DCC: variants seen among roughly 807,000 people sequenced by gnomAD.
DCC encodes netrin receptor DCC.
A neutral mutation model predicts 172.5 loss-of-function variants in DCC; 58 were observed. The observed-to-expected ratio is 0.34, with a 90% CI of 0.27 to 0.42. The LOEUF (loss-of-function observed/expected upper bound fraction) is 0.42, where lower values mean the gene tolerates loss of function less well. DCC is among the 10% of genes least tolerant of loss of function. DCC has a pLI of 1.00. For missense variants in DCC, 1,740 were observed against 1,791.0 expected, an observed-to-expected ratio of 0.97 and a Z score of 0.51; for synonymous variants, 709 against 644.5, an observed-to-expected ratio of 1.10 and a Z score of -1.52.
At chr18:53,314,927 A>G (rs569190088) in intron 13 of DCC, among the ~76,000 whole-genome samples, 1 of 152,268 alleles carries the variant, frequency 6.6e-6, no homozygotes, top group East Asian at 1.9e-4. Flanking sequence ...CCTTTGGGGA[A>G]ATACTTACAA....
intron 2 of DCC, among the ~76,000 whole-genome samples, chr18:52,903,779 C>T (rs1269732328): frequency 6.6e-6 from 1 of 152,220 alleles, no homozygotes; most frequent in East Asian, 1.9e-4. Flanking sequence ...ATATCTGTCA[C>T]TACTCATTGC....
At chr18:53,078,758 T>G (rs564629040) in intron 7 of DCC, among the ~76,000 whole-genome samples, 1 of 152,306 alleles carries the variant, frequency 6.6e-6, no homozygotes, top group Admixed American at 6.5e-5. Flanking sequence ...AATCTATAGG[T>G]GACCCTAACT....
At chr18:53,424,991 T>G (rs1012924754) in intron 21 of DCC, among the ~76,000 whole-genome samples, 1 of 152,104 alleles carries the variant, frequency 6.6e-6, no homozygotes, top group Non-Finnish European at 1.5e-5. Context: ...GTTGCTGATA[T>G]TGATCATTTC....
intron 7 of DCC, among the ~76,000 whole-genome samples, chr18:53,101,276 G>C (rs2043168886): frequency 6.6e-6 from 1 of 152,050 alleles, no homozygotes; most frequent in South Asian, 2.1e-4. Context: ...ATGTGCACTT[G>C]GCATTGTGCT....
intron 12 of DCC, among the ~76,000 whole-genome samples, chr18:53,267,671 G>A (rs940940379): frequency 1.3e-5 from 2 of 152,104 alleles, no homozygotes; most frequent in South Asian, 4.2e-4. Context: ...ACACCATCAT[G>A]CCCAGGCTAG....
At chr18:52,965,204 G>A (rs2040909734) in intron 5 of DCC, 1 of 152,176 alleles carries the variant, frequency 6.6e-6, no homozygotes, top group Non-Finnish European at 1.5e-5. Context: ...CTATCATAAA[G>A]GTAATACTTT....
chr18:52,894,767 A>G (rs1274231236), intron 2 of DCC, among the ~76,000 whole-genome samples: 1 of 152,122 alleles, frequency 6.6e-6, no homozygotes, highest in Non-Finnish European at 1.5e-5. Context: ...AGTCAGGCAG[A>G]AGATGAATTT....
At chr18:52,886,311 G>A (rs1470596457) in intron 2 of DCC, among the ~76,000 whole-genome samples, 2 of 152,094 alleles carry the variant, frequency 1.3e-5, no homozygotes, top group Admixed American at 1.3e-4. Context: ...TGGTGGCAAG[G>A]CCTGCCAAGA....
chr18:52,895,616 A>G (rs1254545108), intron 2 of DCC, among the ~76,000 whole-genome samples: 1 of 152,222 alleles, frequency 6.6e-6, no homozygotes, highest in Non-Finnish European at 1.5e-5. Context: ...CTATGGATGT[A>G]TAATGTTATG....
At chr18:53,515,079 C>A (rs181061702) in intron 27 of DCC, among the ~76,000 whole-genome samples, 4,560 of 152,034 alleles carry the variant, frequency 0.03, 79 homozygotes, top group Middle Eastern at 0.065. Context: ...AATCCAGCAG[C>A]ACATCAAAAA....
intron 7 of DCC, among the ~76,000 whole-genome samples, chr18:53,124,159 A>G (rs2043521830): frequency 6.6e-6 from 1 of 152,094 alleles, no homozygotes; most frequent in African/African-American, 2.4e-5. Flanking sequence ...GTTCTTAACC[A>G]ATTGCTTTCT....
intron 9 of DCC, 130 bp downstream of exon 9, chr18:53,179,246 T>A: frequency 2.2e-6 from 2 of 895,216 alleles, no homozygotes; most frequent in South Asian, 2.9e-5. Flanking sequence ...TAAGTAAACT[T>A]ATATAACTCG....
At chr18:52,975,872 G>T (rs780085057) in intron 5 of DCC, among the ~76,000 whole-genome samples, 1 of 152,042 alleles carries the variant, frequency 6.6e-6, no homozygotes, top group Non-Finnish European at 1.5e-5. Context: ...GGGTATATAC[G>T]CAGTAGTAGG....
At chr18:52,825,408 T>A (rs1410311458) in intron 2 of DCC, among the ~76,000 whole-genome samples, 1 of 152,194 alleles carries the variant, frequency 6.6e-6, no homozygotes, top group East Asian at 1.9e-4. Flanking sequence ...CTCCTATTCC[T>A]CTTAAATTTC....
At chr18:52,403,288 G>T (rs1436495141) in intron 1 of DCC, among the ~76,000 whole-genome samples, 3 of 152,016 alleles carry the variant, frequency 2.0e-5, no homozygotes, top group Non-Finnish European at 4.4e-5. Flanking sequence ...CTTTGTTGTT[G>T]TCTTCTGGTC....
intron 2 of DCC, among the ~76,000 whole-genome samples, chr18:52,899,951 A>C (rs1219454269): frequency 6.6e-6 from 1 of 152,190 alleles, no homozygotes; most frequent in African/African-American, 2.4e-5. Context: ...TTTGCCATAC[A>C]CCATGCTAAG....
intron 1 of DCC, among the ~76,000 whole-genome samples, chr18:52,441,906 T>A (rs1350771942): frequency 6.6e-6 from 1 of 152,202 alleles, no homozygotes; most frequent in Non-Finnish European, 1.5e-5. Flanking sequence ...ACAGGCTTCA[T>A]CAGAATTCTG....
chr18:52,589,894 G>T (rs1144092), intron 1 of DCC, among the ~76,000 whole-genome samples: 2 of 152,104 alleles, frequency 1.3e-5, no homozygotes, highest in East Asian at 3.9e-4. Context: ...TTTGAGAAAG[G>T]CTTATAAGGA....
At chr18:52,933,692 C>T (rs2040341979) in intron 5 of DCC, among the ~76,000 whole-genome samples, 2 of 152,038 alleles carry the variant, frequency 1.3e-5, no homozygotes. Flanking sequence ...TTTTAGCCAG[C>T]TATGTAAACC....
Sources: gnomAD v4.1 joint callset for allele counts (sites outside exome capture counted in the v4.1 genomes callset) on GRCh38, gnomAD v4.1.1 for gene constraint, MANE v1.5 for transcripts, NCBI Gene and HGNC (gene_info 2026-07-23, HGNC 2026-07-21) for gene names.